ALDH8A1: variants seen among roughly 807,000 people sequenced by gnomAD.
ALDH8A1 encodes the protein aldehyde dehydrogenase 8 family member A1.
Under a neutral mutation model 43.3 loss-of-function variants are expected in ALDH8A1, and 39 were observed. That is an observed-to-expected ratio of 0.90 (90% CI 0.70 to 1.18). The LOEUF is 1.18. Ranked by LOEUF, ALDH8A1 falls within the 50% of genes most tolerant of loss-of-function variation. The pLI, the probability that ALDH8A1 is intolerant of heterozygous loss-of-function variation, is 0.00. For missense variants in ALDH8A1, 605 were observed against 622.6 expected (o/e 0.97, Z 0.30); for synonymous variants, 233 against 243.5 (o/e 0.96, Z 0.40).
At chr6:134,948,362 G>A (rs577036851) in intron 1 of ALDH8A1, among the ~76,000 whole-genome samples, 1 of 152,146 alleles carries the variant, frequency 6.6e-6, no homozygotes, top group Non-Finnish European at 1.5e-5. Flanking sequence ...TTTCACAATA[G>A]TTAGAAGAAA....
Position 134,943,914 on chromosome 6 carries a change from C to T in ALDH8A1, c.191G>A (p.Arg64His), listed in dbSNP as rs200812012. 6.5e-5 allele frequency: 105 copies of T among 1,614,016 alleles called. No homozygotes were observed. The highest frequency in any genetic ancestry group is 2.5e-4 in the Admixed American group (15 of 60,000). The change falls in exon 2 of 7, where the codon CGC becomes CAC. Residue 64 changes from arginine (R) to histidine (H), a missense_variant. Arg to His is a conservative substitution (Grantham distance 29, BLOSUM62 0). Transcript: ENST00000265605. ...AREAFPSWSS[R>H]SPQERSRVLN... ...GACCCGTGAGCGCTCCTGGGGGCTGCGGGATGACCAGCTGGGAAAGGCTTC... is the reference window on the plus strand; with the variant it reads ...GACCCGTGAGCGCTCCTGGGGGCTGTGGGATGACCAGCTGGGAAAGGCTTC...
chr6:134,950,029 T>A lies in ALDH8A1; in HGVS notation c.25A>T (p.Met9Leu). The A allele has an allele frequency of 6.2e-7, 1 of 1,612,772 alleles. No individual in the cohort carries two copies. Residue 9 changes from methionine to leucine, a missense_variant, in exon 1 of 7, where the codon ATG (methionine) becomes TTG (leucine). Transcript: ENST00000265605. MAGTNALL[M>L]LENFIDGKFL... Reference sequence around the variant, plus strand: ...TTTCCATCTATGAAGTTTTCCAGCATCAAAAGTGCGTTTGTTCCAGCCATA... The same window carrying A: ...TTTCCATCTATGAAGTTTTCCAGCAACAAAAGTGCGTTTGTTCCAGCCATA...
At chr6:134,929,483 T>C (rs1248618633) in intron 5 of ALDH8A1, among the ~76,000 whole-genome samples, 1 of 152,204 alleles carries the variant, frequency 6.6e-6, no homozygotes, top group Non-Finnish European at 1.5e-5. Flanking sequence ...GAATGGCAAC[T>C]GATTGCATGG....
chr6:134,935,375 C>T (rs1773716233), intron 4 of ALDH8A1, among the ~76,000 whole-genome samples: 1 of 152,156 alleles, frequency 6.6e-6, no homozygotes, highest in Admixed American at 6.5e-5. Flanking sequence ...GATTGAATAA[C>T]AATCAGTAAG....
In ALDH8A1 at chr6:134,948,212, G is replaced by A. The variant is rs535541065; in HGVS notation, c.138+1704C>T. ...GAAGCTTAAAAAAGTTGATCTCATG[G>A]AGGTAGAGAGTACAATTATGGTTAC... On this transcript the variant is annotated intron_variant, in intron 1 of 6. Transcript: ENST00000265605. Among the ~76,000 whole-genome samples the A allele has an allele frequency of 9.9e-5, 15 of 152,232 alleles. No homozygotes were observed. The South Asian group carries it at 1.7e-3, about 17-fold the overall frequency.
intron 1 of ALDH8A1, among the ~76,000 whole-genome samples, chr6:134,946,889 A>G (rs1377345709): frequency 1.3e-5 from 2 of 152,078 alleles, no homozygotes; most frequent in African/African-American, 4.8e-5. Context: ...AATAAGGATC[A>G]TAATAGAGAC....
At chr6:134,939,148 C>G in intron 4 of ALDH8A1, 118 bp downstream of exon 4, 1 of 1,458,870 alleles carries the variant, frequency 6.9e-7, no homozygotes, top group South Asian at 1.3e-5. Flanking sequence ...AGACAAGGAT[C>G]AGAAAGACAA....
At chr6:134,946,433 C>T (rs1773950298) in intron 1 of ALDH8A1, among the ~76,000 whole-genome samples, 1 of 152,126 alleles carries the variant, frequency 6.6e-6, no homozygotes, top group Admixed American at 6.6e-5. Context: ...TCTAAGTTGC[C>T]TTATAGCACA....
At chr6:134,948,800 G>A (rs775545857) in intron 1 of ALDH8A1, among the ~76,000 whole-genome samples, 2 of 152,136 alleles carry the variant, frequency 1.3e-5, no homozygotes, top group African/African-American at 4.8e-5. Context: ...AAAAAGTTAT[G>A]AGCCATTAGC....
rs754903971 is a variant in ALDH8A1, at chr6:134,918,606, A to T, written c.1273T>A (p.Ser425Thr). The change falls in exon 7 of 7, where the codon TCC (serine) becomes ACC (threonine). Residue 425 changes from serine to threonine, a missense_variant. Physicochemically the swap from Ser to Thr is moderately conservative, Grantham distance 58 (BLOSUM62 1). Transcript: ENST00000265605. ...VKYGLAATVW[S>T]SNVGRVHRVA... ...CGGTGGACGCGCCCCACATTGCTGG[A>T]CCACACGGTAGCCGCCAGCCCATAC... 1.2e-5 allele frequency: 19 copies of T among 1,614,044 alleles called. No individual in the cohort carries two copies. Among genetic ancestry groups the T allele is most frequent in the Non-Finnish European group, 1.6e-5 (19 of 1,180,044 alleles).
At chr6:134,939,204 T>A in intron 4 of ALDH8A1, 62 bp downstream of exon 4, 1 of 1,585,112 alleles carries the variant, frequency 6.3e-7, no homozygotes, top group South Asian at 1.1e-5. Context: ...AGTGGAAGAT[T>A]TCTATAAACT....
chr6:134,922,568 A>G (rs989993835), intron 6 of ALDH8A1, among the ~76,000 whole-genome samples: 2 of 151,806 alleles, frequency 1.3e-5, no homozygotes, highest in African/African-American at 4.8e-5. Context: ...TTGTATTTTT[A>G]GTAGAGATGG....
intron 4 of ALDH8A1, among the ~76,000 whole-genome samples, chr6:134,938,265 G>A (rs1773784881): frequency 6.6e-6 from 1 of 152,224 alleles, no homozygotes; most frequent in African/African-American, 2.4e-5. Flanking sequence ...ACATTAAGGG[G>A]ACTTCTCACA....
At chr6:134,946,798 GCATGTGTGCGTGCA>G (rs1562261640) in intron 1 of ALDH8A1, among the ~76,000 whole-genome samples, 3 of 150,074 alleles carry the variant, frequency 2.0e-5, no homozygotes, top group South Asian at 2.1e-4. Context: ...GCACAGGTGC[GCATGTGTGCGTGCA>G]CGCACAGGTG....
chr6:134,927,051 G>A (rs1270334441), intron 6 of ALDH8A1, among the ~76,000 whole-genome samples: 1 of 152,180 alleles, frequency 6.6e-6, no homozygotes. Flanking sequence ...GCTACCTGTT[G>A]TCAGAGGACA....
chr6:134,939,270 T>C lies in ALDH8A1; in HGVS notation c.588A>G (p.Lys196=). Residue 196 remains lysine (K), a synonymous_variant, in exon 4 of 7, where the codon AAA becomes AAG. Coordinates refer to ENST00000265605, the MANE Select transcript of ALDH8A1 (RefSeq NM_022568.4). ...CCAACCCCAACACCTAATTACCTGC[T>C]TTATCCAGGAGTTTGCACAACATCC... ...TAWMLCKLLD[K]AGVPPGVVNI... 1.9e-6 allele frequency: 3 copies of C among 1,614,018 alleles called. No individual in the cohort carries two copies. Among genetic ancestry groups the C allele is most frequent in the Non-Finnish European group, 2.5e-6 (3 of 1,179,868 alleles).
chr6:134,933,014 A>G lies in ALDH8A1; in HGVS notation c.611T>C (p.Val204Ala), dbSNP rs936029902. 1 of 1,587,262 alleles carries G rather than the reference A, an allele frequency of 6.3e-7. No homozygotes were observed. Among genetic ancestry groups the G allele is most frequent in the Non-Finnish European group, 8.6e-7 (1 of 1,167,266 alleles). The part of the protein sequence containing the change: ...LDKAGVPPGV[V>A]NIVFGTGPRV... ...GGGCCCGGTTCCAAACACAATATTG[A>G]CCACACCTGGTGGAACACCTGGATA... Residue 204 changes from valine (V) to alanine (A), a missense_variant, in exon 5 of 7, where the codon GTC becomes GCC. By Grantham distance (64) the Val-to-Ala change is moderately conservative. Coordinates refer to ENST00000265605, the MANE Select transcript of ALDH8A1 (RefSeq NM_022568.4).
chr6:134,926,275 C>G (rs1189911717), intron 6 of ALDH8A1, among the ~76,000 whole-genome samples: 3 of 136,376 alleles, frequency 2.2e-5, no homozygotes. Flanking sequence ...GTGGCAGAAA[C>G]TGCAACCTCC....
chr6:134,928,937 T>G (rs1227899537), intron 6 of ALDH8A1, 117 bp downstream of exon 6: 2 of 1,143,418 alleles, frequency 1.7e-6, no homozygotes, highest in East Asian at 4.9e-5. Context: ...GGTTATAATT[T>G]TTCAAAAATG....
Sources: gnomAD v4.1 joint callset for allele counts (sites outside exome capture counted in the v4.1 genomes callset) on GRCh38, gnomAD v4.1.1 for gene constraint, MANE v1.5 for transcripts, NCBI Gene and HGNC (gene_info 2026-07-23, HGNC 2026-07-21) for gene names.